Variants in ABCA2 observed in about 807,000 individuals in gnomAD.
ABCA2 encodes ATP binding cassette subfamily A member 2, also known as ATP-binding cassette sub-family A member 2.
ABCA2 carries 84 observed loss-of-function variants against 262.8 expected under a neutral mutation model. The ratio of observed to expected loss-of-function variants is 0.32; its 90% CI spans 0.27 to 0.38. The LOEUF is 0.38. Ranked by LOEUF, ABCA2 falls within the 10% of genes least tolerant of loss-of-function variation. The pLI is 1.00. For missense variants in ABCA2, 2,662 were observed against 3,405.9 expected (o/e 0.78, Z 5.44); for synonymous variants, 1,696 against 1,502.9 (o/e 1.13, Z -2.97).
At position 137,022,711 on chromosome 9, in the gene ABCA2, T is replaced by C. The variant is rs1463712149; in HGVS notation, c.430A>G (p.Arg144Gly). ...GPGTSGSHLDRSTVSSFSLDS... is the reference protein window; with the variant it reads ...GPGTSGSHLDGSTVSSFSLDS... ...CCTGCACAGGGCACACCTGTGGATCTGTCCAGGTGGCTCCCCGAGGTGCCC... is the reference window on the plus strand; with the variant it reads ...CCTGCACAGGGCACACCTGTGGATCCGTCCAGGTGGCTCCCCGAGGTGCCC... Residue 144 changes from arginine to glycine, a missense_variant, in exon 5 of 49, where the codon AGA (arginine) becomes GGA (glycine). Coordinates refer to ENST00000341511, the MANE Select transcript of ABCA2 (RefSeq NM_001606.5). 3 of 1,605,890 alleles carry C rather than the reference T, an allele frequency of 1.9e-6. No homozygotes were observed. In the African/African-American group the frequency reaches 4.0e-5, roughly 21 times the overall value.
chr9:137,013,657 C>T (rs1012097452), intron 28 of ABCA2, 94 bp from the exon 29 acceptor site: 31 of 1,404,928 alleles, frequency 2.2e-5, no homozygotes, highest in African/African-American at 2.0e-4. Flanking sequence ...AAGGGATCCA[C>T]GCCTGGGGTC....
At position 137,013,011 on chromosome 9, in the gene ABCA2, C is replaced by T. The variant is rs1016186745; in HGVS notation, c.4858G>A (p.Ala1620Thr). The T allele has an allele frequency of 1.2e-5, 16 of 1,338,190 alleles. No homozygotes were observed. The Middle Eastern group carries it at 8.1e-4, about 68-fold the overall frequency. 82.9% of individuals were successfully genotyped at this position (1,338,190 alleles called of 1,614,324 possible). Residue 1620 changes from alanine to threonine, a missense_variant, in exon 30 of 49, where the codon GCT (alanine) becomes ACT (threonine). Coordinates refer to ENST00000341511, the MANE Select transcript of ABCA2 (RefSeq NM_001606.5). ...QAWNVSLPPT[A>T]GPEMWTSAPS... is the part of the protein sequence containing the mutation. ...CCCCCTGAACCACTACCTGGCCCAG[C>T]GGTGGGCGGCAGGGAGACGTTCCAG...
chr9:137,021,477 C>T lies in ABCA2; in HGVS notation c.812G>A (p.Gly271Glu). ...LQGYRDAVCSGQAAARARRFS... is the reference protein window; with the variant it reads ...LQGYRDAVCSEQAAARARRFS... The stretch of plus-strand genomic sequence containing the variant: ...GCGCCTGGCACGCGCAGCAGCCTGC[C>T]CACTGCAGACAGCATCCCGGTAGCC... The change falls in exon 8 of 49, where the codon GGG (glycine) becomes GAG (glutamate). Residue 271 changes from glycine to glutamate, a missense_variant. Transcript: ENST00000341511. The surrounding 1 kb of genome is among the most constrained non-coding windows in gnomAD (Gnocchi z 6.0). 6.2e-7 allele frequency: 1 copy of T among 1,611,850 alleles called. No homozygotes were observed.
At chr9:137,022,651 G>T in intron 5 of ABCA2, 51 bp downstream of exon 5, 1 of 1,580,144 alleles carries the variant, frequency 6.3e-7, no homozygotes. Flanking sequence ...CCCAGTGACA[G>T]CAGAGCTTTG....
At chr9:137,028,780 G>T, upstream of ABCA2, 1 of 1,292,232 alleles carries the variant, frequency 7.7e-7, no homozygotes, top group Non-Finnish European at 1.0e-6. This position sits in a 1 kb window ranked among gnomAD's most constrained non-coding sequence, Gnocchi z 6.9. Context: ...AGCGGAAGGG[G>T]GGAAACTCGA....
rs912320106 is a variant in ABCA2, at chr9:137,021,229, G to A, written c.897+163C>T. ...CCCAGGACAGGAGCTGGGATGGTGAGCAGGAGTGGGGCACCAGCCATGGTG... is the reference window on the plus strand; with the variant it reads ...CCCAGGACAGGAGCTGGGATGGTGAACAGGAGTGGGGCACCAGCCATGGTG... On this transcript the variant is annotated intron_variant, in intron 8 of 48. Transcript: ENST00000341511. The surrounding 1 kb of genome is among the most constrained non-coding windows in gnomAD (Gnocchi z 6.0). 1.3e-5 allele frequency among the ~76,000 whole-genome samples: 2 copies of A among 152,158 alleles called. No homozygotes were observed. The highest frequency in any genetic ancestry group is 6.5e-5 in the Admixed American group (1 of 15,286).
Position 137,017,024 on chromosome 9 carries a change from G to A in ABCA2, c.2654C>T (p.Pro885Leu), listed in dbSNP as rs1445942515. The A allele has an allele frequency of 1.5e-5, 24 of 1,612,772 alleles. No individual in the cohort carries two copies. Among genetic ancestry groups the A allele is most frequent in the South Asian group, 1.1e-4 (10 of 91,082 alleles). The change falls in exon 19 of 49, where the codon CCG (proline) becomes CTG (leucine). Residue 885 changes from proline (P) to leucine (L), a missense_variant. Coordinates refer to ENST00000341511, the MANE Select transcript of ABCA2 (RefSeq NM_001606.5). ...CAAGTTGAAGTCGTCCCCCTCCACCGGGGACTGGCTGAAGGTGTGCCACTG... is the reference window on the plus strand; with the variant it reads ...CAAGTTGAAGTCGTCCCCCTCCACCAGGGACTGGCTGAAGGTGTGCCACTG... The part of the protein sequence containing the change: ...GIQWHTFSQS[P>L]VEGDDFNLLL...
Position 137,011,780 on chromosome 9 carries a change from C to CCGGGG in ABCA2, c.5536-36_5536-32dup, listed in dbSNP as rs758429192. ...GGGGTGGGGGCGGCTGGTGAGAGAC[C>CCGGGG]CGGGGCAGGGCGGGGATGGGGGATG... On this transcript the variant is annotated intron_variant, in intron 35 of 48. Coordinates refer to ENST00000341511, the MANE Select transcript of ABCA2 (RefSeq NM_001606.5). This position sits in a 1 kb window ranked among gnomAD's most constrained non-coding sequence, Gnocchi z 8.8. The CCGGGG allele has an allele frequency of 2.8e-5, 44 of 1,549,414 alleles. No individual in the cohort carries two copies. The East Asian group carries it at 9.5e-4, about 34-fold the overall frequency.
intron 1 of ABCA2, among the ~76,000 whole-genome samples, chr9:137,024,947 C>T (rs903412605): frequency 6.6e-6 from 1 of 152,162 alleles, no homozygotes; most frequent in African/African-American, 2.4e-5. Context: ...TACAGGCGCC[C>T]GCCACCATGC....
chr9:137,016,985 G>T lies in ABCA2; in HGVS notation c.2693C>A (p.Thr898Asn). ...GACCACGGCGTCCACCATCAGCATG[G>T]TGACAGCCAGGAGCAAGTTGAAGTC... ...GDDFNLLLAVTMLMVDAVVYG... is the reference protein window; with the variant it reads ...GDDFNLLLAVNMLMVDAVVYG... The change falls in exon 19 of 49, where the codon ACC becomes AAC. Residue 898 changes from threonine (T) to asparagine (N), a missense_variant. Coordinates refer to ENST00000341511, the MANE Select transcript of ABCA2 (RefSeq NM_001606.5). The T allele has an allele frequency of 1.9e-6, 3 of 1,612,812 alleles. No homozygotes were observed. Among genetic ancestry groups the T allele is most frequent in the Non-Finnish European group, 2.5e-6 (3 of 1,179,992 alleles).
In ABCA2 at chr9:137,010,190, C is replaced by G; in HGVS notation, c.6353+3G>C. 1.2e-6 allele frequency: 2 copies of G among 1,601,042 alleles called. No individual in the cohort carries two copies. Among genetic ancestry groups the G allele is most frequent in the Non-Finnish European group, 1.7e-6 (2 of 1,177,886 alleles). On this transcript the variant is annotated splice_donor_region_variant and intron_variant, in intron 41 of 48. Coordinates refer to ENST00000341511, the MANE Select transcript of ABCA2 (RefSeq NM_001606.5). ...CCCCGCCCACCCAGGGCTCCCGCCC[C>G]ACCTGTGTCCATTGACGAAGGCCTC...
chr9:137,022,696 G>A lies in ABCA2; in HGVS notation c.439+6C>T. On this transcript the variant is annotated splice_donor_region_variant and intron_variant, in intron 5 of 48. Transcript: ENST00000341511. ...CTGCCCCCCAACTTCCCTGCACAGG[G>A]CACACCTGTGGATCTGTCCAGGTGG... 6.2e-7 allele frequency: 1 copy of A among 1,603,398 alleles called. No homozygotes were observed. Among genetic ancestry groups the A allele is most frequent in the Non-Finnish European group, 8.5e-7 (1 of 1,177,334 alleles).
rs1437056568 is a variant in ABCA2 at position 137,007,963 on chromosome 9, G to A, written c.7277C>T (p.Ala2426Val). 2 of 1,604,582 alleles carry A rather than the reference G, an allele frequency of 1.2e-6. No individual in the cohort carries two copies. Among genetic ancestry groups the A allele is most frequent in the Non-Finnish European group, 1.7e-6 (2 of 1,179,676 alleles). ...CGTGTCCGTGTTGAAGGACAGCTGG[G>A]CCTGTGCACAGGGGAGGTCAGGCTT... is the stretch of plus-strand genomic sequence containing the variant. ...EGLISFEEER[A>V]QLSFNTDTLC is the part of the protein sequence containing the mutation. The change falls in exon 49 of 49, where the codon GCC becomes GTC. Residue 2426 changes from alanine to valine, a missense_variant and splice_region_variant. Physicochemically the swap from Ala to Val is moderately conservative, Grantham distance 64. Transcript: ENST00000341511.
In ABCA2 at chr9:137,013,017, G is replaced by C. The variant is rs1412418732; in HGVS notation, c.4852C>G (p.Pro1618Ala). 3.3e-6 allele frequency: 5 copies of C among 1,507,238 alleles called. No homozygotes were observed. The highest frequency in any genetic ancestry group is 4.4e-6 in the Non-Finnish European group (5 of 1,126,886). The allele number at this position is 1,507,238 out of a possible 1,614,324, so 93.4% of individuals were successfully genotyped here. The change falls in exon 30 of 49, where the codon CCC (proline) becomes GCC (alanine). Residue 1618 changes from proline (P) to alanine (A), a missense_variant. By Grantham distance (27) the Pro-to-Ala change is conservative (BLOSUM62 -1). This residue lies in a region of ABCA2 where 192 missense variants were observed against 207.2 expected (regional missense o/e 0.93). Transcript: ENST00000341511. ...GAACCACTACCTGGCCCAGCGGTGG[G>C]CGGCAGGGAGACGTTCCAGGCCTGC... ...DLQAWNVSLP[P>A]TAGPEMWTSA...
At chr9:137,009,290 C>T in intron 45 of ABCA2, 80 bp downstream of exon 45, 2 of 1,314,408 alleles carry the variant, frequency 1.5e-6, no homozygotes, top group Admixed American at 2.2e-5. Context: ...AGCCCTGCAG[C>T]CACCCCCACT....
In ABCA2 at chr9:137,014,386, T is replaced by G. The variant is rs777236180; in HGVS notation, c.4022A>C (p.Lys1341Thr). The G allele has an allele frequency of 1.8e-5, 29 of 1,593,198 alleles. No homozygotes were observed. The highest frequency in any genetic ancestry group is 2.3e-5 in the Non-Finnish European group (27 of 1,170,728). The stretch of plus-strand genomic sequence containing the variant: ...GCCCTCCGCCCCAGGGAGCACATCC[T>G]TCCTGGACTCCTTCACATCTGCCGC... ...NSEADVKESR[K>T]DVLPGAEGPA... The change falls in exon 27 of 49, where the codon AAG becomes ACG. Residue 1341 changes from lysine (K) to threonine (T), a missense_variant. Physicochemically the swap from Lys to Thr is moderately conservative, Grantham distance 78 (BLOSUM62 -1). Coordinates refer to ENST00000341511, the MANE Select transcript of ABCA2 (RefSeq NM_001606.5).
At chr9:137,015,934 T>TGGGGGGGGGGGGGGGGGGGGGCG in intron 22 of ABCA2, 28 bp downstream of exon 22, 1 of 654,354 alleles carries the variant, frequency 1.5e-6, no homozygotes, top group Non-Finnish European at 2.1e-6. Flanking sequence ...TCCGCCCACC[T>TGGGGGGGGGGGGGGGGGGGGGCG]GCCCCGCCCC....
At chr9:137,009,334 C>A in intron 45 of ABCA2, 36 bp downstream of exon 45, 1 of 626,058 alleles carries the variant, frequency 1.6e-6, no homozygotes, top group Non-Finnish European at 2.8e-6. Flanking sequence ...CCCCCCGGGC[C>A]CGCCCCAGCC....
rs537372695 is a variant in ABCA2 at position 137,009,183 on chromosome 9, C to T, written c.6828-130G>A. 3.3e-4 allele frequency: 331 copies of T among 1,013,424 alleles called. 1 individual carries two copies. In the African/African-American group the frequency reaches 5.1e-3, roughly 16 times the overall value. The allele number at this position is 1,013,424 out of a possible 1,614,324, so 62.8% of individuals were successfully genotyped here. A position where few individuals can be genotyped will look rare whatever the true frequency, so the allele number is the denominator to read the frequency against. ...ATAGCCTCCCACAGCCCCCCAACCC[C>T]ACAGCCCCCACAGCCCTCCAGGCTC... On this transcript the variant is annotated intron_variant, in intron 45 of 48. Coordinates refer to ENST00000341511, the MANE Select transcript of ABCA2 (RefSeq NM_001606.5).
Sources: allele counts gnomAD v4.1 joint callset (sites outside exome capture counted in the v4.1 genomes callset), GRCh38; gene constraint gnomAD v4.1.1; regional missense constraint gnomAD v4.1.1; non-coding constraint Gnocchi (gnomAD v3.1); transcripts MANE v1.5; gene names NCBI Gene and HGNC (gene_info 2026-07-23, HGNC 2026-07-21).